FGFR2: variants seen among roughly 807,000 people sequenced by gnomAD.
The protein encoded by FGFR2 is fibroblast growth factor receptor 2.
A neutral mutation model predicts 95.9 loss-of-function variants in FGFR2; 19 were observed. That is an observed-to-expected ratio of 0.20 (90% CI 0.14 to 0.29). The LOEUF (loss-of-function observed/expected upper bound fraction) is 0.29, where lower values mean the gene tolerates loss of function less well. FGFR2 is among the 10% of genes least tolerant of loss of function. FGFR2 has a pLI of 1.00. For missense variants in FGFR2, 707 were observed against 1,056.9 expected (o/e 0.67, Z 4.59); for synonymous variants, 392 against 393.3 (o/e 1.00, Z 0.04).
chr10:121,591,957 T>G (rs530818288), intron 2 of FGFR2, among the ~76,000 whole-genome samples: 8 of 152,342 alleles, frequency 5.3e-5, no homozygotes, highest in African/African-American at 1.9e-4. Context: ...CCTGCATGTA[T>G]ACACAATTTT....
chr10:121,597,971 C>CA lies in FGFR2; in HGVS notation c.-161dup. ...CTTGCGCGGCGATTACCTTGAATGGCAACGCTCCTCCGCGACCTGTGTTGT... is the reference window on the plus strand; with the variant it reads ...CTTGCGCGGCGATTACCTTGAATGGCAAACGCTCCTCCGCGACCTGTGTTGT... On this transcript the variant is annotated 5_prime_UTR_variant, in exon 1 of 18. Coordinates refer to ENST00000358487, the MANE Select transcript of FGFR2 (RefSeq NM_000141.5). 2.5e-6 allele frequency: 1 copy of CA among 393,374 alleles called. No homozygotes were observed. The highest frequency in any genetic ancestry group is 4.5e-6 in the Non-Finnish European group (1 of 222,846). 24.4% of individuals were successfully genotyped at this position (393,374 alleles called of 1,614,324 possible). A position where few individuals can be genotyped will look rare whatever the true frequency, so the allele number is the denominator to read the frequency against.
At chr10:121,566,169 G>A (rs1193965581) in intron 2 of FGFR2, among the ~76,000 whole-genome samples, 2 of 152,126 alleles carry the variant, frequency 1.3e-5, no homozygotes, top group South Asian at 2.1e-4. Context: ...TTGCCCCAAG[G>A]CCAAGCTTCT....
At chr10:121,588,357 C>T (rs1206690188) in intron 2 of FGFR2, among the ~76,000 whole-genome samples, 1 of 151,378 alleles carries the variant, frequency 6.6e-6, no homozygotes, top group Non-Finnish European at 1.5e-5. Flanking sequence ...CACGAGTTTA[C>T]CTACATAACA....
At chr10:121,596,863 C>A (rs901131467) in intron 1 of FGFR2, among the ~76,000 whole-genome samples, 11 of 152,080 alleles carry the variant, frequency 7.2e-5, no homozygotes, top group African/African-American at 2.7e-4. Context: ...ATTGACATTC[C>A]AGGGAAAGAG....
chr10:121,537,947 C>G (rs1853101304), intron 6 of FGFR2: 1 of 171,670 alleles, frequency 5.8e-6, no homozygotes, highest in African/African-American at 2.4e-5. Context: ...ACTTGAATTT[C>G]CAAGACAACA....
At chr10:121,510,778 A>ATTTATTTTAT (rs58544210) in intron 9 of FGFR2, among the ~76,000 whole-genome samples, 36,803 of 145,180 alleles carry the variant, frequency 0.25, 5,013 homozygotes, top group Admixed American at 0.31. Flanking sequence ...ACTGCCCTTG[A>ATTTATTTTAT]TTTATTTTAT....
At chr10:121,586,367 A>G (rs1230887167) in intron 2 of FGFR2, among the ~76,000 whole-genome samples, 1 of 152,224 alleles carries the variant, frequency 6.6e-6, no homozygotes, top group Non-Finnish European at 1.5e-5. Flanking sequence ...CACATTCAGC[A>G]TAACCTGAAA....
intron 6 of FGFR2, among the ~76,000 whole-genome samples, chr10:121,535,455 T>A (rs933121554): frequency 2.3e-4 from 35 of 152,248 alleles, no homozygotes; most frequent in African/African-American, 8.4e-4. Context: ...CATAAGCCGC[T>A]TTTTTTGTTC....
At chr10:121,512,508 C>CACA (rs1343885065) in intron 9 of FGFR2, among the ~76,000 whole-genome samples, 1 of 152,168 alleles carries the variant, frequency 6.6e-6, no homozygotes. Context: ...CCCTACTGAA[C>CACA]ACAAGCCAAT....
chr10:121,480,193 G>A (rs1365509503), intron 17 of FGFR2, 172 bp from the exon 18 acceptor site: 9 of 814,060 alleles, frequency 1.1e-5, no homozygotes, highest in African/African-American at 8.4e-5. Flanking sequence ...CAGGACAGGA[G>A]ACCCCTAGAA....
At chr10:121,501,059 C>CT in intron 10 of FGFR2, 112 bp from the exon 11 acceptor site, 2 of 1,475,236 alleles carry the variant, frequency 1.4e-6, no homozygotes, top group Non-Finnish European at 1.9e-6. Flanking sequence ...GCATGGAGTG[C>CT]TTATCATATG....
chr10:121,554,746 T>C (rs1470912281), intron 4 of FGFR2, among the ~76,000 whole-genome samples: 1 of 152,108 alleles, frequency 6.6e-6, no homozygotes, highest in Non-Finnish European at 1.5e-5. Context: ...CTGTAAGATC[T>C]AGAAAAATAA....
intron 12 of FGFR2, 93 bp from the exon 13 acceptor site, chr10:121,496,815 CTTT>C (rs372610391): frequency 3.3e-4 from 285 of 873,610 alleles, no homozygotes; most frequent in Non-Finnish European, 4.0e-4. Context: ...ACAACCCATG[CTTT>C]TTTTTTTTTT....
chr10:121,547,309 A>AATGG (rs572692657), intron 5 of FGFR2, among the ~76,000 whole-genome samples: 49 of 152,326 alleles, frequency 3.2e-4, no homozygotes, highest in African/African-American at 1.0e-3. Flanking sequence ...TCTGAGTTTC[A>AATGG]ATTAGGTCTC....
At chr10:121,529,826 C>T (rs547720535) in intron 6 of FGFR2, among the ~76,000 whole-genome samples, 1 of 152,184 alleles carries the variant, frequency 6.6e-6, no homozygotes, top group African/African-American at 2.4e-5. Flanking sequence ...TGACTGTCAC[C>T]CTCTCGACCA....
At chr10:121,496,470 G>A (rs1846825143) in intron 13 of FGFR2, 62 bp downstream of exon 13, 2 of 1,548,572 alleles carry the variant, frequency 1.3e-6, no homozygotes, top group Non-Finnish European at 8.9e-7. Flanking sequence ...CAAATTGCCT[G>A]TTTTCTTTAA....
intron 2 of FGFR2, among the ~76,000 whole-genome samples, chr10:121,567,659 G>T (rs756526684): frequency 3.3e-5 from 5 of 152,366 alleles, no homozygotes; most frequent in Admixed American, 6.5e-5. Context: ...GGCACACACA[G>T]CAGTGGCAGA....
Position 121,481,869 on chromosome 10 carries a change from C to T in FGFR2, c.2301+1829G>A, listed in dbSNP as rs1649166. 54,045 of 203,938 alleles carry T rather than the reference C, an allele frequency of 0.27. 9,625 individuals carry two copies. The highest frequency in any genetic ancestry group is 0.51 in the African/African-American group (19,715 of 38,498). The allele number at this position is 203,938 out of a possible 1,614,324, so 12.6% of individuals were successfully genotyped here. ...TTTTTTTTTTTGAGACGGAGTCTCG[C>T]TCTGTCGCCAAGGCTGGAATGCAAT... On this transcript the variant is annotated intron_variant, in intron 17 of 17. Transcript: ENST00000358487.
rs759620495 is a variant in FGFR2, at chr10:121,593,837, G to C, written c.-20C>G. On this transcript the variant is annotated 5_prime_UTR_variant, in exon 2 of 18. Transcript: ENST00000358487. The stretch of plus-strand genomic sequence containing the variant: ...GACCATGGTTACGGTACCAATCCCC[G>C]GTCCTCTTCCATATCTCCATGTGGA... 6.2e-7 allele frequency: 1 copy of C among 1,605,806 alleles called. No homozygotes were observed. Among genetic ancestry groups the C allele is most frequent in the Non-Finnish European group, 8.5e-7 (1 of 1,172,430 alleles).
Sources: allele counts gnomAD v4.1 joint callset (sites outside exome capture counted in the v4.1 genomes callset), GRCh38; gene constraint gnomAD v4.1.1; transcripts MANE v1.5; gene names NCBI Gene and HGNC (gene_info 2026-07-23, HGNC 2026-07-21).